PTPRK: variants seen among roughly 807,000 people sequenced by gnomAD.
PTPRK encodes the protein receptor-type tyrosine-protein phosphatase kappa.
In PTPRK, 75 loss-of-function variants were observed where a neutral mutation model predicts 178.0. The observed-to-expected ratio is 0.42, with a 90% CI of 0.35 to 0.51. The LOEUF (loss-of-function observed/expected upper bound fraction) is 0.51, where lower values mean the gene tolerates loss of function less well. Ranked by LOEUF, PTPRK falls within the 20% of genes least tolerant of loss-of-function variation. The pLI is 0.02. For synonymous variants in PTPRK, 637 were observed against 620.6 expected, an observed-to-expected ratio of 1.03 and a Z score of -0.39; for missense variants, 1,441 against 1,797.8, an observed-to-expected ratio of 0.80 and a Z score of 3.59.
At chr6:128,041,835 A>C (rs975400307) in intron 13 of PTPRK, among the ~76,000 whole-genome samples, 1 of 141,222 alleles carries the variant, frequency 7.1e-6, no homozygotes, top group Non-Finnish European at 1.5e-5. Context: ...TATATGTAAT[A>C]CACATTTGTG....
At chr6:128,088,627 T>C (rs1181733800) in intron 8 of PTPRK, among the ~76,000 whole-genome samples, 4 of 152,194 alleles carry the variant, frequency 2.6e-5, no homozygotes, top group Admixed American at 1.3e-4. Flanking sequence ...TGTTATTAGA[T>C]TATCATTTGC....
At chr6:128,254,896 T>C (rs1190449646) in intron 3 of PTPRK, among the ~76,000 whole-genome samples, 1 of 152,156 alleles carries the variant, frequency 6.6e-6, no homozygotes, top group Non-Finnish European at 1.5e-5. Flanking sequence ...TTTTGTACAA[T>C]TATAAAGGCT....
In PTPRK at chr6:127,998,792, C is replaced by G; in HGVS notation, c.2607G>C (p.Arg869Ser). 6.2e-7 allele frequency: 1 copy of G among 1,610,558 alleles called. No individual in the cohort carries two copies. Among genetic ancestry groups the G allele is most frequent in the Non-Finnish European group, 8.5e-7 (1 of 1,177,878 alleles). The change falls in exon 16 of 30, where the codon AGG becomes AGC. Residue 869 changes from arginine (R) to serine (S), a missense_variant. This residue lies in a region of PTPRK where 945 missense variants were observed against 1,080.6 expected (regional missense o/e 0.87). Coordinates refer to ENST00000368226, the MANE Select transcript of PTPRK (RefSeq NM_002844.4). ...TAATGTGCTGCAGTAAATCAGCTAC[C>G]CTGATGGCTGGATGCAGCTGTCCTG... ...YQTGQLHPAI[R>S]VADLLQHINL...
At chr6:128,021,127 G>A (rs947090616) in intron 13 of PTPRK, among the ~76,000 whole-genome samples, 4 of 152,196 alleles carry the variant, frequency 2.6e-5, no homozygotes, top group Admixed American at 2.6e-4. Flanking sequence ...TTTTGGCCTT[G>A]AGTGAATGAA....
rs574176721 is a variant in PTPRK at position 128,513,871 on chromosome 6, A to G, written c.100+6388T>C. On this transcript the variant is annotated intron_variant, in intron 1 of 29. Transcript: ENST00000368226. Reference sequence around the variant, plus strand: ...ATGACCATGAAGCAATCAGTCATCAATCCCTGGGTGGGTAGTGAGGACCCT... The same window carrying G: ...ATGACCATGAAGCAATCAGTCATCAGTCCCTGGGTGGGTAGTGAGGACCCT... Among the ~76,000 whole-genome samples the G allele has an allele frequency of 6.6e-5, 10 of 152,316 alleles. 1 individual carries two copies. The South Asian group carries it at 1.0e-3, about 16-fold the overall frequency.
chr6:128,137,018 C>T (rs2114490919), intron 7 of PTPRK, among the ~76,000 whole-genome samples: 1 of 152,286 alleles, frequency 6.6e-6, no homozygotes, highest in Admixed American at 6.5e-5. Flanking sequence ...TAAACCACTA[C>T]CCTAGCCTCT....
intron 1 of PTPRK, among the ~76,000 whole-genome samples, chr6:128,465,670 G>A (rs1027750831): frequency 6.6e-6 from 1 of 152,066 alleles, no homozygotes; most frequent in Non-Finnish European, 1.5e-5. Flanking sequence ...TTTCTTCCCA[G>A]GTGTCTCTCT....
At chr6:128,000,165 T>G (rs1777639250) in intron 15 of PTPRK, 1 of 966,708 alleles carries the variant, frequency 1.0e-6, no homozygotes, top group Non-Finnish European at 1.2e-6. Flanking sequence ...AATACACTCT[T>G]AGGGGAACTT....
intron 3 of PTPRK, among the ~76,000 whole-genome samples, chr6:128,300,098 T>C (rs1479381483): frequency 6.6e-6 from 1 of 152,196 alleles, no homozygotes; most frequent in Non-Finnish European, 1.5e-5. Flanking sequence ...AAGACATTTA[T>C]GCAGCCAAAA....
intron 3 of PTPRK, among the ~76,000 whole-genome samples, chr6:128,300,381 C>T (rs1365765486): frequency 6.6e-6 from 1 of 151,938 alleles, no homozygotes; most frequent in Non-Finnish European, 1.5e-5. Context: ...GGTATATACC[C>T]AAAGGACTAT....
At chr6:128,461,081 T>G (rs753824503) in intron 1 of PTPRK, among the ~76,000 whole-genome samples, 1 of 152,246 alleles carries the variant, frequency 6.6e-6, no homozygotes, top group South Asian at 2.1e-4. Context: ...CTTTTTTCAT[T>G]TCTTATAATG....
intron 1 of PTPRK, among the ~76,000 whole-genome samples, chr6:128,399,638 C>A (rs1290139712): frequency 6.6e-6 from 1 of 152,174 alleles, no homozygotes; most frequent in Non-Finnish European, 1.5e-5. Flanking sequence ...GTAACACAGG[C>A]CTTCAGGGCC....
At chr6:128,368,162 A>T (rs1441219143) in intron 2 of PTPRK, among the ~76,000 whole-genome samples, 1 of 152,150 alleles carries the variant, frequency 6.6e-6, no homozygotes, top group Admixed American at 6.6e-5. Flanking sequence ...TGAAAAGCAA[A>T]GGCTCACACA....
Position 128,473,404 on chromosome 6 carries a change from ATTTTTT to A in PTPRK, c.100+46849_100+46854del, listed in dbSNP as rs67418131. ...TCAGTTTTTCCACTATATGGTTACT[ATTTTTT>A]TTTTTTTTTTTTTTTTTTGCCTTGC... On this transcript the variant is annotated intron_variant, in intron 1 of 29. Coordinates refer to ENST00000368226, the MANE Select transcript of PTPRK (RefSeq NM_002844.4). Among the ~76,000 whole-genome samples, 168 of 90,888 alleles carry A rather than the reference ATTTTTT, an allele frequency of 1.8e-3. 1 individual carries two copies. The highest frequency in any genetic ancestry group is 4.8e-3 in the African/African-American group (109 of 22,674). 59.6% of individuals were successfully genotyped at this position (90,888 alleles called of 152,430 possible).
chr6:128,223,428 G>A (rs1342186597), intron 5 of PTPRK, among the ~76,000 whole-genome samples: 1 of 151,862 alleles, frequency 6.6e-6, no homozygotes. Flanking sequence ...ACAACTCAGA[G>A]AGGCTGAGGG....
chr6:128,131,388 C>G (rs758502441), intron 7 of PTPRK, among the ~76,000 whole-genome samples: 1 of 152,108 alleles, frequency 6.6e-6, no homozygotes, highest in Non-Finnish European at 1.5e-5. Context: ...CTATGCGGAG[C>G]CACATCGGAT....
chr6:128,171,676 G>T (rs139665465), intron 7 of PTPRK, among the ~76,000 whole-genome samples: 147 of 152,030 alleles, frequency 9.7e-4, no homozygotes, highest in Middle Eastern at 3.4e-3. Flanking sequence ...AGTAGACATT[G>T]ATTTCTCTAT....
chr6:128,199,812 T>A lies in PTPRK; in HGVS notation c.869-15087A>T, dbSNP rs145457622. Among the ~76,000 whole-genome samples the A allele has an allele frequency of 1.6e-3, 243 of 152,300 alleles. 2 individuals are homozygous for A. The highest frequency in any genetic ancestry group is 5.6e-3 in the African/African-American group (234 of 41,570). On this transcript the variant is annotated intron_variant, in intron 6 of 29. Transcript: ENST00000368226. ...CAATCACAAACATGGGCGTCTATGT[T>A]TTTCCTTAAATGCTTCAATGTACCA...
At chr6:128,295,017 A>T (rs1008566972) in intron 3 of PTPRK, among the ~76,000 whole-genome samples, 4 of 152,052 alleles carry the variant, frequency 2.6e-5, no homozygotes, top group African/African-American at 9.7e-5. Flanking sequence ...ACATAAACAG[A>T]TACATAATTG....
Sources: gnomAD v4.1 joint callset for allele counts (sites outside exome capture counted in the v4.1 genomes callset) on GRCh38, gnomAD v4.1.1 for gene constraint, gnomAD v4.1.1 regional missense constraint, MANE v1.5 for transcripts, NCBI Gene and HGNC (gene_info 2026-07-23, HGNC 2026-07-21) for gene names.